Variants in CLIC5 observed in about 807,000 individuals in gnomAD.
The protein encoded by CLIC5 is chloride intracellular channel protein 5.
A neutral mutation model predicts 24.7 loss-of-function variants in CLIC5; 20 were observed. That is an observed-to-expected ratio of 0.81 (90% CI 0.57 to 1.18). The LOEUF (loss-of-function observed/expected upper bound fraction) is 1.18, where lower values mean the gene tolerates loss of function less well. Ranked by LOEUF, CLIC5 falls within the 50% of genes most tolerant of loss-of-function variation. The probability of loss-of-function intolerance (pLI) is 0.00; values close to 1 mark genes in which losing one functional copy is unlikely to be tolerated. For missense variants in CLIC5, 341 were observed against 326.1 expected, an observed-to-expected ratio of 1.05 and a Z score of -0.35; for synonymous variants, 159 against 135.6, an observed-to-expected ratio of 1.17 and a Z score of -1.20.
At chr6:45,951,178 GT>G (rs1764456754) in intron 2 of CLIC5, among the ~76,000 whole-genome samples, 2 of 152,142 alleles carry the variant, frequency 1.3e-5, no homozygotes, top group African/African-American at 4.8e-5. Context: ...TGGTGTGCCT[GT>G]TAGTTTCTGG....
the CLIC5 span, among the ~76,000 whole-genome samples, chr6:46,093,525 A>C: frequency 6.6e-6 from 1 of 152,198 alleles, no homozygotes; most frequent in East Asian, 1.9e-4. Context: ...GGCAGGTGTT[A>C]ACTCACATGT....
chr6:45,958,549 C>A (rs1764743744), intron 1 of CLIC5, among the ~76,000 whole-genome samples: 1 of 147,404 alleles, frequency 6.8e-6, no homozygotes, highest in South Asian at 2.2e-4. Context: ...TCCTAAAGTA[C>A]TTCCTGTTCC....
chr6:46,022,615 T>A (rs1271154142), intron 1 of CLIC5, among the ~76,000 whole-genome samples: 1 of 152,212 alleles, frequency 6.6e-6, no homozygotes, highest in East Asian at 1.9e-4. Context: ...AAGGTGTCCT[T>A]GGGCATGGCC....
upstream of CLIC5, among the ~76,000 whole-genome samples, chr6:46,082,016 T>C (rs1231536466): frequency 2.0e-5 from 3 of 152,246 alleles, no homozygotes; most frequent in Non-Finnish European, 2.9e-5. Context: ...ATGCATTTTG[T>C]ACATTAAAAG....
the CLIC5 span, among the ~76,000 whole-genome samples, chr6:46,107,687 G>T: frequency 5.0e-4 from 76 of 152,258 alleles, no homozygotes; most frequent in Middle Eastern, 3.4e-3. Context: ...ATTTTGGTTA[G>T]TTTAGAGGAT....
the CLIC5 span, among the ~76,000 whole-genome samples, chr6:46,121,115 G>A: frequency 3.2e-4 from 48 of 151,932 alleles, no homozygotes; most frequent in South Asian, 9.0e-3. Context: ...GAACAACTCC[G>A]AGACACATCA....
the CLIC5 span, among the ~76,000 whole-genome samples, chr6:46,103,431 T>C: frequency 6.6e-6 from 1 of 152,212 alleles, no homozygotes; most frequent in Non-Finnish European, 1.5e-5. Flanking sequence ...CTAGGTTTTG[T>C]CTGAGGCCTT....
intron 1 of CLIC5, among the ~76,000 whole-genome samples, chr6:46,068,318 A>G (rs1218497649): frequency 6.6e-6 from 1 of 152,130 alleles, no homozygotes; most frequent in Non-Finnish European, 1.5e-5. Context: ...CAGCAACCCT[A>G]CAAAGCTGAT....
chr6:45,981,693 G>T (rs1461437389), intron 1 of CLIC5, among the ~76,000 whole-genome samples: 1 of 152,158 alleles, frequency 6.6e-6, no homozygotes, highest in African/African-American at 2.4e-5. Context: ...TCTGGAGGAA[G>T]ACTCTCTGTC....
intron 1 of CLIC5, among the ~76,000 whole-genome samples, chr6:46,072,236 G>GAA (rs201677732): frequency 9.2e-6 from 1 of 108,370 alleles, no homozygotes; most frequent in Non-Finnish European, 1.9e-5. Flanking sequence ...GAACTTAAAA[G>GAA]AAAAAAAAAA....
chr6:46,108,501 AT>A, the CLIC5 span, among the ~76,000 whole-genome samples: 1 of 151,724 alleles, frequency 6.6e-6, no homozygotes, highest in African/African-American at 2.4e-5. Flanking sequence ...GGTTCAAGCG[AT>A]TCTCCTGCCT....
At chr6:46,094,838 G>A in the CLIC5 span, among the ~76,000 whole-genome samples, 1 of 152,178 alleles carries the variant, frequency 6.6e-6, no homozygotes, top group South Asian at 2.1e-4. Context: ...GACTCTGAGT[G>A]GGGGCTACAA....
At chr6:46,047,846 G>GA (rs1767995561) in intron 1 of CLIC5, among the ~76,000 whole-genome samples, 4 of 152,012 alleles carry the variant, frequency 2.6e-5, no homozygotes, top group African/African-American at 9.7e-5. Flanking sequence ...AAAAAAAACA[G>GA]AAAAAACAGT....
intron 2 of CLIC5, among the ~76,000 whole-genome samples, chr6:45,950,663 T>C (rs1184693247): frequency 6.6e-6 from 1 of 152,152 alleles, no homozygotes; most frequent in Non-Finnish European, 1.5e-5. Context: ...GGTCTCAAAT[T>C]GGTAAAAACT....
At chr6:45,996,126 A>AG (rs971474802) in intron 1 of CLIC5, among the ~76,000 whole-genome samples, 1 of 152,084 alleles carries the variant, frequency 6.6e-6, no homozygotes, top group African/African-American at 2.4e-5. Flanking sequence ...GAACTAAAAA[A>AG]AAAAAAAAAA....
chr6:45,991,864 G>A (rs1765954224), intron 1 of CLIC5, among the ~76,000 whole-genome samples: 1 of 152,162 alleles, frequency 6.6e-6, no homozygotes, highest in Non-Finnish European at 1.5e-5. Context: ...ACAGCTATTG[G>A]TTGAAACTGT....
rs951961902 is a variant in CLIC5 at position 45,902,898 on chromosome 6, T to A, written c.*190A>T. 1.6e-6 allele frequency: 1 copy of A among 608,012 alleles called. No homozygotes were observed. The highest frequency in any genetic ancestry group is 1.9e-5 in the African/African-American group (1 of 53,234). The allele number at this position is 608,012 out of a possible 1,614,324, so 37.7% of individuals were successfully genotyped here. A position where few individuals can be genotyped will look rare whatever the true frequency, so the allele number is the denominator to read the frequency against. On this transcript the variant is annotated 3_prime_UTR_variant, in exon 6 of 6. Transcript: ENST00000339561. ...GTCTATCATTTCTGCTAGATTCCTA[T>A]GTGAGGAGGCCAGGGATGGTGCTGA...
intron 4 of CLIC5, among the ~76,000 whole-genome samples, chr6:45,929,619 G>A (rs1201827761): frequency 6.6e-6 from 1 of 152,214 alleles, no homozygotes; most frequent in African/African-American, 2.4e-5. Flanking sequence ...ATGAGGAAGT[G>A]GTGAGACGGT....
chr6:45,942,104 C>A (rs1045877136), intron 3 of CLIC5, among the ~76,000 whole-genome samples: 2 of 152,160 alleles, frequency 1.3e-5, no homozygotes, highest in South Asian at 2.1e-4. Flanking sequence ...ATTCTGGGAG[C>A]AAGGAGAAGC....
Sources: allele counts gnomAD v4.1 joint callset (sites outside exome capture counted in the v4.1 genomes callset), GRCh38; gene constraint gnomAD v4.1.1; transcripts MANE v1.5; gene names NCBI Gene and HGNC (gene_info 2026-07-23, HGNC 2026-07-21).